Variants in CSMD1 observed in about 807,000 individuals in gnomAD.
CSMD1 encodes CUB and sushi domain-containing protein 1.
CSMD1 carries 213 observed loss-of-function variants against 417.5 expected under a neutral mutation model. The observed-to-expected ratio is 0.51, with a 90% CI of 0.46 to 0.57. The LOEUF (loss-of-function observed/expected upper bound fraction) is 0.57, where lower values mean the gene tolerates loss of function less well. CSMD1 is among the 20% of genes least tolerant of loss of function. The pLI is 0.00. For missense variants in CSMD1, 6,923 were observed against 4,529.7 expected (o/e 1.53, Z -15.17); for synonymous variants, 2,862 against 1,736.8 (o/e 1.65, Z -16.11).
chr8:4,501,180 G>A (rs891835682), intron 2 of CSMD1, among the ~76,000 whole-genome samples: 5 of 151,950 alleles, frequency 3.3e-5, no homozygotes, highest in African/African-American at 1.2e-4. Context: ...GCATATATAT[G>A]TATGTGTATA....
intron 5 of CSMD1, among the ~76,000 whole-genome samples, chr8:3,995,835 A>C (rs1815171713): frequency 6.6e-6 from 1 of 152,324 alleles, no homozygotes; most frequent in Non-Finnish European, 1.5e-5. Flanking sequence ...AACAGGCAAC[A>C]GAGTTTATTA....
chr8:4,174,477 G>C (rs1047944771), intron 3 of CSMD1, among the ~76,000 whole-genome samples: 7 of 151,490 alleles, frequency 4.6e-5, no homozygotes, highest in Non-Finnish European at 1.0e-4. Context: ...GGTTTGGAAG[G>C]TTATTAAATC....
chr8:4,743,707 T>G (rs2117016372), intron 1 of CSMD1, among the ~76,000 whole-genome samples: 1 of 152,344 alleles, frequency 6.6e-6, no homozygotes, highest in East Asian at 1.9e-4. Context: ...TAACCACTTC[T>G]GGATGTATAA....
At chr8:4,877,384 G>T (rs1051563137) in intron 1 of CSMD1, among the ~76,000 whole-genome samples, 1 of 151,792 alleles carries the variant, frequency 6.6e-6, no homozygotes, top group Non-Finnish European at 1.5e-5. Context: ...AAGAACTACA[G>T]AAAAAAGGAG....
intron 1 of CSMD1, among the ~76,000 whole-genome samples, chr8:4,751,535 C>G (rs1239437097): frequency 1.3e-5 from 2 of 152,098 alleles, no homozygotes; most frequent in African/African-American, 4.8e-5. Context: ...TATTTTATCC[C>G]TTTAATTCCA....
intron 5 of CSMD1, among the ~76,000 whole-genome samples, chr8:3,754,401 CTG>C (rs1350081484): frequency 2.0e-5 from 3 of 151,684 alleles, no homozygotes; most frequent in Non-Finnish European, 2.9e-5. Context: ...TGATAAAATT[CTG>C]TGTTTCACAA....
chr8:3,998,758 A>T (rs1436086300), intron 4 of CSMD1, among the ~76,000 whole-genome samples: 1 of 151,986 alleles, frequency 6.6e-6, no homozygotes, highest in Non-Finnish European at 1.5e-5. Context: ...TTAAAAAATT[A>T]TTGGTTAGAA....
chr8:4,390,497 TTTTA>T (rs142679522), intron 3 of CSMD1, among the ~76,000 whole-genome samples: 4 of 140,322 alleles, frequency 2.9e-5, no homozygotes, highest in East Asian at 2.0e-4. Flanking sequence ...AAGCGTCCAT[TTTTA>T]TTTATTTATT....
chr8:4,722,946 C>G (rs77001048), intron 1 of CSMD1, among the ~76,000 whole-genome samples: 2 of 152,116 alleles, frequency 1.3e-5, no homozygotes, highest in South Asian at 2.1e-4. Flanking sequence ...GATCTAAGCT[C>G]GGTGGGGTTT....
chr8:4,289,563 A>G (rs1563396418), intron 3 of CSMD1, among the ~76,000 whole-genome samples: 2 of 152,174 alleles, frequency 1.3e-5, no homozygotes, highest in Admixed American at 6.5e-5. Context: ...TCCCACTCAG[A>G]ATTCATCACA....
At chr8:3,559,600 A>G (rs1454927020) in intron 10 of CSMD1, among the ~76,000 whole-genome samples, 1 of 152,222 alleles carries the variant, frequency 6.6e-6, no homozygotes, top group Non-Finnish European at 1.5e-5. Context: ...CTTAAAAATA[A>G]GTACCCACAA....
intron 5 of CSMD1, among the ~76,000 whole-genome samples, chr8:3,779,161 G>C (rs898276090): frequency 6.7e-6 from 1 of 149,804 alleles, no homozygotes; most frequent in African/African-American, 2.5e-5. Flanking sequence ...GTGTGTGTGT[G>C]TGTGTGTGTG....
intron 40 of CSMD1, among the ~76,000 whole-genome samples, chr8:3,144,627 C>T (rs1422516232): frequency 6.6e-6 from 1 of 151,998 alleles, no homozygotes; most frequent in Non-Finnish European, 1.5e-5. Context: ...TGGAGCAACT[C>T]TTTAAATTTA....
intron 2 of CSMD1, among the ~76,000 whole-genome samples, chr8:4,443,377 A>G (rs6995485): frequency 0.079 from 11,973 of 152,268 alleles, 1,232 homozygotes; most frequent in African/African-American, 0.24. Flanking sequence ...CGGCTTTGAT[A>G]ACAAAGGCAA....
At chr8:4,946,314 G>A (rs887169301) in intron 1 of CSMD1, among the ~76,000 whole-genome samples, 2 of 152,112 alleles carry the variant, frequency 1.3e-5, no homozygotes, top group Admixed American at 6.6e-5. Context: ...CAATTAATAT[G>A]ACTAACTGAA....
rs767301977 is a variant in CSMD1 at position 3,998,084 on chromosome 8, G to T, written c.637C>A (p.Arg213Ser). The T allele has an allele frequency of 5.7e-6, 9 of 1,582,316 alleles. No homozygotes were observed. Among genetic ancestry groups the T allele is most frequent in the South Asian group, 2.3e-5 (2 of 86,788 alleles). The change falls in exon 5 of 70, where the codon CGC becomes AGC. Residue 213 changes from arginine (R) to serine (S), a missense_variant. By Grantham distance (110) the Arg-to-Ser change is moderately radical. Transcript: ENST00000635120. ...CTGGAGATGGAGCTGCTGGTCCCGC[G>T]TAAGGTTCCTCCGCAGGCTCCCTCA... The part of the protein sequence containing the change: ...RAEGACGGTL[R>S]GTSSSISSPH...
chr8:4,778,939 G>T (rs1797010985), intron 1 of CSMD1, among the ~76,000 whole-genome samples: 1 of 152,106 alleles, frequency 6.6e-6, no homozygotes, highest in Admixed American at 6.6e-5. Flanking sequence ...TTATCCTGTG[G>T]GTTTTAAATA....
chr8:4,936,427 GA>G (rs1293357827), intron 1 of CSMD1, among the ~76,000 whole-genome samples: 2 of 152,036 alleles, frequency 1.3e-5, no homozygotes, highest in African/African-American at 4.8e-5. Context: ...GATATAAATA[GA>G]AAAAAATAGA....
At position 3,408,178 on chromosome 8, in the gene CSMD1, G is replaced by A. The variant is rs774438778; in HGVS notation, c.1792C>T (p.Pro598Ser). Residue 598 changes from proline to serine, a missense_variant, in exon 14 of 70, where the codon CCA becomes TCA. Transcript: ENST00000635120. Reference protein sequence around the residue: ...FTASSGIILSPNYPEEYGNNM... With the variant: ...FTASSGIILSSNYPEEYGNNM... ...TTCCCATATTCCTCTGGATAATTTG[G>A]TGACAGAATAATCCCAGATGATGCC... 6.2e-7 allele frequency: 1 copy of A among 1,611,976 alleles called. No homozygotes were observed. The highest frequency in any genetic ancestry group is 2.2e-5 in the East Asian group (1 of 44,856).
Sources: gnomAD v4.1 joint callset for allele counts (sites outside exome capture counted in the v4.1 genomes callset) on GRCh38, gnomAD v4.1.1 for gene constraint, MANE v1.5 for transcripts, NCBI Gene and HGNC (gene_info 2026-07-23, HGNC 2026-07-21) for gene names.